FARS2: variants seen among roughly 807,000 people sequenced by gnomAD.
The protein encoded by FARS2 is phenylalanine--tRNA ligase, mitochondrial.
FARS2 carries 40 observed loss-of-function variants against 46.4 expected under a neutral mutation model. The observed-to-expected ratio is 0.86, with a 90% CI of 0.67 to 1.12. The LOEUF is 1.12. Among genes scored for constraint, FARS2 ranks in the 50% most tolerant of loss-of-function variants. FARS2 has a pLI of 0.00. For synonymous variants in FARS2, 234 were observed against 214.9 expected (o/e 1.09, Z -0.78); for missense variants, 513 against 567.9 (o/e 0.90, Z 0.98).
At chr6:5,523,857 A>G (rs1294325020) in intron 4 of FARS2, among the ~76,000 whole-genome samples, 1 of 152,180 alleles carries the variant, frequency 6.6e-6, no homozygotes, top group Non-Finnish European at 1.5e-5. Flanking sequence ...GACACATGCA[A>G]AGTTCTCCAC....
At chr6:5,360,956 G>C (rs765630304) in intron 1 of FARS2, among the ~76,000 whole-genome samples, 2 of 152,136 alleles carry the variant, frequency 1.3e-5, no homozygotes, top group African/African-American at 2.4e-5. Flanking sequence ...CAGAAACTAA[G>C]CACAGTTGAA....
chr6:5,681,380 T>G (rs947006341), intron 6 of FARS2, among the ~76,000 whole-genome samples: 148 of 152,376 alleles, frequency 9.7e-4, no homozygotes, highest in African/African-American at 3.5e-3. Context: ...GTTCACATTT[T>G]ATAAATATTC....
intron 4 of FARS2, among the ~76,000 whole-genome samples, chr6:5,520,462 T>C (rs538704318): frequency 8.5e-5 from 13 of 152,314 alleles, no homozygotes; most frequent in African/African-American, 3.1e-4. Context: ...TTACAGGACA[T>C]ACTCTAAAAA....
intron 4 of FARS2, among the ~76,000 whole-genome samples, chr6:5,539,478 C>T (rs1048084303): frequency 3.3e-5 from 5 of 150,582 alleles, no homozygotes; most frequent in Admixed American, 2.0e-4. Flanking sequence ...GTGATCTGCC[C>T]GCCTTGGCCT....
chr6:5,567,078 A>G (rs1459404388), intron 5 of FARS2, among the ~76,000 whole-genome samples: 2 of 152,376 alleles, frequency 1.3e-5, no homozygotes, highest in African/African-American at 2.4e-5. Context: ...AAAACAGTCT[A>G]TAGGTTTACA....
chr6:5,265,151 A>T (rs1765468629), intron 1 of FARS2, among the ~76,000 whole-genome samples: 1 of 152,208 alleles, frequency 6.6e-6, no homozygotes. Context: ...GTAAACGCTA[A>T]AGGAATAGGG....
At chr6:5,593,319 C>T (rs1417728870) in intron 5 of FARS2, among the ~76,000 whole-genome samples, 3 of 151,314 alleles carry the variant, frequency 2.0e-5, no homozygotes, top group African/African-American at 7.3e-5. Flanking sequence ...TCTGCTGGTG[C>T]CTTTCCAAAC....
chr6:5,738,318 C>T (rs887703880), intron 6 of FARS2, among the ~76,000 whole-genome samples: 1 of 152,190 alleles, frequency 6.6e-6, no homozygotes, highest in Non-Finnish European at 1.5e-5. Flanking sequence ...AGAAGTGACA[C>T]AGTATGCCAG....
intron 4 of FARS2, among the ~76,000 whole-genome samples, chr6:5,524,717 CAGAG>C (rs1174138932): frequency 6.6e-6 from 1 of 152,168 alleles, no homozygotes; most frequent in East Asian, 1.9e-4. Flanking sequence ...GAAGTTGAAT[CAGAG>C]AGAGATTCAA....
At chr6:5,749,376 G>A (rs929162779) in intron 6 of FARS2, among the ~76,000 whole-genome samples, 2 of 152,242 alleles carry the variant, frequency 1.3e-5, no homozygotes, top group African/African-American at 4.8e-5. Flanking sequence ...GGTGGGGATT[G>A]GAAGAAGGCT....
intron 6 of FARS2, among the ~76,000 whole-genome samples, chr6:5,701,791 C>T (rs983486831): frequency 6.6e-6 from 1 of 152,168 alleles, no homozygotes; most frequent in African/African-American, 2.4e-5. Context: ...TTGGAATTCT[C>T]AGTATTCTAA....
intron 6 of FARS2, among the ~76,000 whole-genome samples, chr6:5,647,660 C>A (rs1449335784): frequency 6.6e-6 from 1 of 152,198 alleles, no homozygotes; most frequent in Non-Finnish European, 1.5e-5. Context: ...TTTTATATGT[C>A]AAGCACCACA....
At chr6:5,460,000 A>G (rs975767374) in intron 4 of FARS2, among the ~76,000 whole-genome samples, 1 of 152,252 alleles carries the variant, frequency 6.6e-6, no homozygotes, top group African/African-American at 2.4e-5. Context: ...ACCAAAAGGC[A>G]GCCTTTTCAT....
Position 5,765,142 on chromosome 6 carries a change from C to A in FARS2, c.1218-6149C>A, listed in dbSNP as rs992818423. 1.7e-4 allele frequency among the ~76,000 whole-genome samples: 26 copies of A among 152,232 alleles called. No individual in the cohort carries two copies. Among genetic ancestry groups the A allele is most frequent in the African/African-American group, 6.3e-4 (26 of 41,464 alleles). On this transcript the variant is annotated intron_variant, in intron 6 of 6. Transcript: ENST00000274680. This position sits in a 1 kb window ranked among gnomAD's most constrained non-coding sequence, Gnocchi z 4.0. Reference sequence around the variant, plus strand: ...GAGGCGGCATTGAAATATGCCATCCCCTCCCTGCTGTTGCATTCTGCCGTC... The same window carrying A: ...GAGGCGGCATTGAAATATGCCATCCACTCCCTGCTGTTGCATTCTGCCGTC...
At chr6:5,662,460 C>G (rs573240425) in intron 6 of FARS2, among the ~76,000 whole-genome samples, 14 of 152,338 alleles carry the variant, frequency 9.2e-5, no homozygotes, top group Admixed American at 2.6e-4. Context: ...TCCAGAGCAT[C>G]AGTCACGTTG....
intron 4 of FARS2, among the ~76,000 whole-genome samples, chr6:5,538,415 C>G (rs1290065508): frequency 6.6e-6 from 1 of 152,116 alleles, no homozygotes. Flanking sequence ...GAGCAAAAGT[C>G]ACAAAGAGAA....
intron 5 of FARS2, among the ~76,000 whole-genome samples, chr6:5,601,320 G>A (rs57607452): frequency 0.27 from 40,275 of 151,352 alleles, 6,012 homozygotes; most frequent in African/African-American, 0.41. Flanking sequence ...TCGGGAGTTC[G>A]AGACCAGCCT....
Position 5,411,034 on chromosome 6 carries a change from G to T in FARS2, c.772+6333G>T, listed in dbSNP as rs114547821. Among the ~76,000 whole-genome samples the T allele has an allele frequency of 2.4e-3, 371 of 152,226 alleles. 5 individuals carry two copies. Among genetic ancestry groups the T allele is most frequent in the African/African-American group, 8.7e-3 (360 of 41,516 alleles). ...CATACCAGAAGTTAGCTTTTGGATA[G>T]GATACAAAGAAATCTTATTAGTAAT... On this transcript the variant is annotated intron_variant, in intron 3 of 6. Coordinates refer to ENST00000274680, the MANE Select transcript of FARS2 (RefSeq NM_006567.5).
chr6:5,660,884 C>A (rs897082266), intron 6 of FARS2, among the ~76,000 whole-genome samples: 3 of 152,150 alleles, frequency 2.0e-5, no homozygotes, highest in African/African-American at 7.2e-5. Flanking sequence ...CCTCTTTGAC[C>A]ATGTAGGGAT....
Sources: gnomAD v4.1 joint callset for allele counts (sites outside exome capture counted in the v4.1 genomes callset) on GRCh38, gnomAD v4.1.1 for gene constraint, Gnocchi (gnomAD v3.1) non-coding constraint, MANE v1.5 for transcripts, NCBI Gene and HGNC (gene_info 2026-07-23, HGNC 2026-07-21) for gene names.